Variants in HECTD2 observed in about 807,000 individuals in gnomAD.
HECTD2 encodes the protein probable E3 ubiquitin-protein ligase HECTD2.
HECTD2 carries 35 observed loss-of-function variants against 103.2 expected under a neutral mutation model. The ratio of observed to expected loss-of-function variants is 0.34; its 90% CI spans 0.26 to 0.45. The LOEUF (loss-of-function observed/expected upper bound fraction) is 0.45. Ranked by LOEUF, HECTD2 falls within the 20% of genes least tolerant of loss-of-function variation. The probability of loss-of-function intolerance (pLI) is 1.00; values close to 1 mark genes in which losing one functional copy is unlikely to be tolerated. For synonymous variants in HECTD2, 281 were observed against 329.9 expected (o/e 0.85, Z 1.61); for missense variants, 596 against 937.4 (o/e 0.64, Z 4.76).
chr10:91,480,788 A>G (rs547676680), intron 6 of HECTD2, among the ~76,000 whole-genome samples: 62 of 152,164 alleles, frequency 4.1e-4, no homozygotes, highest in African/African-American at 1.5e-3. Context: ...AAACAAAAAC[A>G]TAAGTATTCT....
At chr10:91,449,984 C>A (rs937181567) in intron 2 of HECTD2, among the ~76,000 whole-genome samples, 30 of 152,138 alleles carry the variant, frequency 2.0e-4, no homozygotes, top group African/African-American at 7.2e-4. Flanking sequence ...ATGCTATCCC[C>A]ATCAAGCTAC....
intron 13 of HECTD2, among the ~76,000 whole-genome samples, chr10:91,492,766 G>C (rs1235985711): frequency 2.0e-5 from 3 of 152,012 alleles, no homozygotes; most frequent in Non-Finnish European, 4.4e-5. Flanking sequence ...TCAAATGCAT[G>C]AAAATTTAAT....
intron 1 of HECTD2, among the ~76,000 whole-genome samples, chr10:91,413,897 A>G (rs1029535725): frequency 6.6e-6 from 1 of 152,218 alleles, no homozygotes; most frequent in Non-Finnish European, 1.5e-5. Flanking sequence ...ATGCAAATCC[A>G]TGGAGTCAAA....
chr10:91,472,790 A>C (rs1011508883), intron 5 of HECTD2, among the ~76,000 whole-genome samples: 2 of 152,208 alleles, frequency 1.3e-5, no homozygotes, highest in Non-Finnish European at 2.9e-5. Flanking sequence ...ACAGATATTG[A>C]GATTATGAAC....
rs2133349820 is a variant in HECTD2, at chr10:91,500,508, C to T, written c.1957C>T (p.Arg653Cys). The change falls in exon 19 of 21, where the codon CGT becomes TGT. Residue 653 changes from arginine to cysteine, a missense_variant. Physicochemically the swap from Arg to Cys is radical, Grantham distance 180. Coordinates refer to ENST00000298068, the MANE Select transcript of HECTD2 (RefSeq NM_182765.6). The part of the protein sequence containing the change: ...VCASNALMLL[R>C]PEEVEILVCG... ...GATAAATAATTATTGGCAGCTGCTT[C>T]GTCCAGAAGAGGTTGAAATTTTGGT... 6 of 1,534,314 alleles carry T rather than the reference C, an allele frequency of 3.9e-6. No individual in the cohort carries two copies. Among genetic ancestry groups the T allele is most frequent in the Non-Finnish European group, 5.4e-6 (6 of 1,108,548 alleles).
At chr10:91,485,995 T>A (rs989319196) in intron 10 of HECTD2, 2 of 152,142 alleles carry the variant, frequency 1.3e-5, no homozygotes, top group Middle Eastern at 3.2e-3. Flanking sequence ...GCACTTTATA[T>A]CCACACTTCT....
At chr10:91,445,135 C>T (rs919796887) in intron 2 of HECTD2, among the ~76,000 whole-genome samples, 9 of 152,270 alleles carry the variant, frequency 5.9e-5, no homozygotes, top group African/African-American at 2.2e-4. Context: ...TCACAACTCT[C>T]GTTGGAAACT....
At chr10:91,475,475 G>A (rs1032923366) in intron 5 of HECTD2, among the ~76,000 whole-genome samples, 2 of 152,180 alleles carry the variant, frequency 1.3e-5, no homozygotes, top group African/African-American at 4.8e-5. Context: ...GAGACATTTT[G>A]TAAGGTTTGG....
At chr10:91,500,785 T>C (rs1336135005) in intron 19 of HECTD2, among the ~76,000 whole-genome samples, 168 bp downstream of exon 19, 1 of 152,188 alleles carries the variant, frequency 6.6e-6, no homozygotes, top group African/African-American at 2.4e-5. Flanking sequence ...AATTTTAATA[T>C]GAAATCACTC....
chr10:91,455,685 C>G (rs1845056311), intron 2 of HECTD2, among the ~76,000 whole-genome samples: 1 of 152,096 alleles, frequency 6.6e-6, no homozygotes, highest in Admixed American at 6.6e-5. Flanking sequence ...AGGTTTTCTT[C>G]TAGGGTTTTT....
chr10:91,512,279 T>C lies in HECTD2; in HGVS notation c.2226T>C (p.His742=), dbSNP rs1847454344. ...ETSTNCLPVA[H]TCFNQLCLPP... ...TTTTCCCTAGCTTACCTGTGGCCCA[T>C]ACCTGCTTCAATCAACTTTGCCTTC... Residue 742 remains histidine (H), a synonymous_variant, in exon 21 of 21, where the codon CAT becomes CAC. Coordinates refer to ENST00000298068, the MANE Select transcript of HECTD2 (RefSeq NM_182765.6). The C allele has an allele frequency of 6.2e-7, 1 of 1,613,746 alleles. No homozygotes were observed. The highest frequency in any genetic ancestry group is 8.5e-7 in the Non-Finnish European group (1 of 1,179,806).
chr10:91,512,209 A>G, intron 20 of HECTD2, 55 bp from the exon 21 acceptor site: 1 of 1,576,632 alleles, frequency 6.3e-7, no homozygotes, highest in Non-Finnish European at 8.6e-7. Context: ...GTTGCATAGC[A>G]GTCATTTTGT....
intron 15 of HECTD2, among the ~76,000 whole-genome samples, 177 bp from the exon 16 acceptor site, chr10:91,497,931 T>C (rs1846749190): frequency 6.6e-6 from 1 of 152,190 alleles, no homozygotes. Flanking sequence ...ATCTATGACC[T>C]ATAATGATTT....
In HECTD2 at chr10:91,487,224, T is replaced by C. The variant is rs879462110; in HGVS notation, c.1095-458T>C. The C allele has an allele frequency of 1.1e-4, 19 of 173,422 alleles. No individual in the cohort carries two copies. Among genetic ancestry groups the C allele is most frequent in the Non-Finnish European group, 2.1e-4 (17 of 79,476 alleles). The allele number at this position is 173,422 out of a possible 1,614,324, so 10.7% of individuals were successfully genotyped here. A position where few individuals can be genotyped will look rare whatever the true frequency, so the allele number is the denominator to read the frequency against. On this transcript the variant is annotated intron_variant, in intron 10 of 20. Coordinates refer to ENST00000298068, the MANE Select transcript of HECTD2 (RefSeq NM_182765.6). The surrounding 1 kb of genome is among the most constrained non-coding windows in gnomAD (Gnocchi z 4.1). ...GTCTTAAATATATTACTTTACTTTT[T>C]ACATACTGTAGTTATTGTTAGATTT...
chr10:91,422,830 A>G (rs750623138), intron 1 of HECTD2, among the ~76,000 whole-genome samples: 1 of 152,200 alleles, frequency 6.6e-6, no homozygotes, highest in Non-Finnish European at 1.5e-5. Context: ...TTGTTGAATA[A>G]CTGTTAATTG....
At chr10:91,433,511 T>A (rs1226014371) in intron 2 of HECTD2, among the ~76,000 whole-genome samples, 1 of 152,022 alleles carries the variant, frequency 6.6e-6, no homozygotes, top group African/African-American at 2.4e-5. Flanking sequence ...TTCTTTATTA[T>A]TTTTTACAAA....
Position 91,468,939 on chromosome 10 carries a change from CAA to C in HECTD2, c.600+6772_600+6773del, listed in dbSNP as rs375935105. Among the ~76,000 whole-genome samples, 14 of 98,456 alleles carry C rather than the reference CAA, an allele frequency of 1.4e-4. No individual in the cohort carries two copies. The South Asian group carries it at 3.8e-3, about 27-fold the overall frequency. 64.6% of individuals were successfully genotyped at this position (98,456 alleles called of 152,430 possible). ...CAACAGAGTTAGACACTGTCTCACT[CAA>C]AAAAAAAAAAAAAAAACAAGAGTAC... On this transcript the variant is annotated intron_variant, in intron 5 of 20. Coordinates refer to ENST00000298068, the MANE Select transcript of HECTD2 (RefSeq NM_182765.6).
At chr10:91,414,991 G>A (rs1397415865) in intron 1 of HECTD2, among the ~76,000 whole-genome samples, 1 of 152,214 alleles carries the variant, frequency 6.6e-6, no homozygotes, top group Non-Finnish European at 1.5e-5. Context: ...GAGGGAGAAA[G>A]TGAAGAAAAG....
intron 10 of HECTD2, chr10:91,485,808 T>C (rs1268992037): frequency 6.6e-6 from 1 of 152,512 alleles, no homozygotes. Flanking sequence ...TCTAATATAT[T>C]GATCACACAC....
Sources: allele counts gnomAD v4.1 joint callset (sites outside exome capture counted in the v4.1 genomes callset), GRCh38; gene constraint gnomAD v4.1.1; non-coding constraint Gnocchi (gnomAD v3.1); transcripts MANE v1.5; gene names NCBI Gene and HGNC (gene_info 2026-07-23, HGNC 2026-07-21).